Variants in ZCCHC7 observed in about 807,000 individuals in gnomAD.
ZCCHC7 encodes zinc finger CCHC domain-containing protein 7.
Under a neutral mutation model 52.0 loss-of-function variants are expected in ZCCHC7, and 35 were observed. That is an observed-to-expected ratio of 0.67 (90% CI 0.51 to 0.89). ZCCHC7 has a LOEUF of 0.89. Ranked by LOEUF, ZCCHC7 falls within the 40% of genes least tolerant of loss-of-function variation. ZCCHC7 has a pLI of 0.00. For missense variants in ZCCHC7, 574 were observed against 649.1 expected (o/e 0.88, Z 1.26); for synonymous variants, 217 against 221.5 (o/e 0.98, Z 0.18).
chr9:37,146,732 T>C (rs1217153789), intron 2 of ZCCHC7, among the ~76,000 whole-genome samples: 1 of 151,876 alleles, frequency 6.6e-6, no homozygotes, highest in Non-Finnish European at 1.5e-5. Context: ...TTAATGTGCT[T>C]GTAATATGAT....
At chr9:37,279,109 G>A (rs1052369626) in intron 2 of ZCCHC7, among the ~76,000 whole-genome samples, 2 of 151,878 alleles carry the variant, frequency 1.3e-5, no homozygotes, top group Non-Finnish European at 2.9e-5. Context: ...GAAGGGAAAT[G>A]ATATACCAAG....
intron 2 of ZCCHC7, among the ~76,000 whole-genome samples, chr9:37,297,905 G>A (rs541182786): frequency 1.3e-5 from 2 of 152,318 alleles, no homozygotes; most frequent in South Asian, 2.1e-4. Context: ...TATAACTAAA[G>A]CTTGGGGTGA....
intron 2 of ZCCHC7, among the ~76,000 whole-genome samples, chr9:37,175,014 G>A (rs1422719062): frequency 2.0e-5 from 3 of 151,876 alleles, no homozygotes; most frequent in African/African-American, 4.8e-5. Context: ...GTACATGCCC[G>A]TGATTCCAGC....
At chr9:37,249,009 C>T (rs541346722) in intron 2 of ZCCHC7, among the ~76,000 whole-genome samples, 1 of 152,158 alleles carries the variant, frequency 6.6e-6, no homozygotes, top group African/African-American at 2.4e-5. Flanking sequence ...TTGTGGATAT[C>T]TCATATCTTC....
At chr9:37,265,243 T>C (rs1827046738) in intron 2 of ZCCHC7, among the ~76,000 whole-genome samples, 1 of 152,202 alleles carries the variant, frequency 6.6e-6, no homozygotes, top group Non-Finnish European at 1.5e-5. Context: ...TGCTTTCAGT[T>C]TAAATAAAAG....
At chr9:37,257,788 C>T (rs2133428284) in intron 2 of ZCCHC7, among the ~76,000 whole-genome samples, 1 of 152,176 alleles carries the variant, frequency 6.6e-6, no homozygotes, top group African/African-American at 2.4e-5. Context: ...GCCTGCTCGC[C>T]CTTTGCCTTC....
At chr9:37,177,747 A>G (rs766222693) in intron 2 of ZCCHC7, among the ~76,000 whole-genome samples, 8 of 152,048 alleles carry the variant, frequency 5.3e-5, no homozygotes, top group Non-Finnish European at 1.0e-4. Flanking sequence ...TTTTCCCAAA[A>G]CCCATAACCA....
chr9:37,186,448 G>A (rs1028941008), intron 2 of ZCCHC7, among the ~76,000 whole-genome samples: 1 of 152,126 alleles, frequency 6.6e-6, no homozygotes, highest in African/African-American at 2.4e-5. Context: ...AGGGTGTTAT[G>A]AAAATGTAAA....
chr9:37,316,395 A>C (rs1829824651), intron 5 of ZCCHC7, among the ~76,000 whole-genome samples: 1 of 147,716 alleles, frequency 6.8e-6, no homozygotes. Flanking sequence ...GGCACAATGA[A>C]AGGGTCTTTT....
At chr9:37,243,004 A>G (rs1825937485) in intron 2 of ZCCHC7, among the ~76,000 whole-genome samples, 1 of 151,832 alleles carries the variant, frequency 6.6e-6, no homozygotes, top group Non-Finnish European at 1.5e-5. Flanking sequence ...CTATGACATA[A>G]GAAGCACATT....
intron 1 of ZCCHC7, 108 bp from the exon 2 acceptor site, chr9:37,126,204 G>A (rs752248401): frequency 2.7e-6 from 3 of 1,094,384 alleles, no homozygotes; most frequent in Non-Finnish European, 3.9e-6. Flanking sequence ...TCTGAGAATA[G>A]TGATGGCCTT....
At chr9:37,149,767 A>G (rs932496880) in intron 2 of ZCCHC7, among the ~76,000 whole-genome samples, 4 of 152,194 alleles carry the variant, frequency 2.6e-5, no homozygotes, top group Non-Finnish European at 5.9e-5. Flanking sequence ...ATAAAAGTCT[A>G]TGTAAGTTGC....
intron 2 of ZCCHC7, among the ~76,000 whole-genome samples, chr9:37,178,064 G>A (rs1405636279): frequency 6.6e-6 from 1 of 152,180 alleles, no homozygotes. Flanking sequence ...TGGCTGTGGT[G>A]CACATGAGAA....
chr9:37,132,130 C>T (rs543188746), intron 2 of ZCCHC7, among the ~76,000 whole-genome samples: 9 of 152,038 alleles, frequency 5.9e-5, no homozygotes, highest in Non-Finnish European at 1.3e-4. Context: ...TTGTAATTCT[C>T]ATATATTAGA....
chr9:37,151,121 C>A (rs527590363), intron 2 of ZCCHC7, among the ~76,000 whole-genome samples: 30 of 151,870 alleles, frequency 2.0e-4, no homozygotes, highest in African/African-American at 7.3e-4. Flanking sequence ...CCTGCCACCA[C>A]GCCCGGCTAA....
chr9:37,214,970 G>A (rs1370369963), intron 2 of ZCCHC7, among the ~76,000 whole-genome samples: 1 of 151,998 alleles, frequency 6.6e-6, no homozygotes, highest in African/African-American at 2.4e-5. Flanking sequence ...ACTTTATTTT[G>A]TAGATTAAAG....
intron 2 of ZCCHC7, among the ~76,000 whole-genome samples, chr9:37,262,377 C>T (rs1417482663): frequency 6.6e-6 from 1 of 152,096 alleles, no homozygotes; most frequent in Non-Finnish European, 1.5e-5. Context: ...ACTTTAGCAT[C>T]ATCTTGTTTT....
chr9:37,167,892 A>G (rs1033606633), intron 2 of ZCCHC7, among the ~76,000 whole-genome samples: 2 of 152,120 alleles, frequency 1.3e-5, no homozygotes, highest in African/African-American at 2.4e-5. Flanking sequence ...GCCTGGTACT[A>G]TTCTCTGTAA....
chr9:37,271,443 T>C (rs1827406641), intron 2 of ZCCHC7, among the ~76,000 whole-genome samples: 1 of 152,228 alleles, frequency 6.6e-6, no homozygotes. Context: ...TGGGATCTTA[T>C]AAAGCATATA....
Sources: allele counts gnomAD v4.1 joint callset (sites outside exome capture counted in the v4.1 genomes callset), GRCh38; gene constraint gnomAD v4.1.1; transcripts MANE v1.5; gene names NCBI Gene and HGNC (gene_info 2026-07-23, HGNC 2026-07-21).